The following AR variants were observed in gnomAD, a reference collection of about 807,000 sequenced individuals.
AR encodes dihydrotestosterone receptor.
In AR, 8 loss-of-function variants were observed where a neutral mutation model predicts 53.9. That is an observed-to-expected ratio of 0.15 (90% CI 0.09 to 0.27). The LOEUF (loss-of-function observed/expected upper bound fraction) is 0.27. Ranked by LOEUF, AR falls within the 10% of genes least tolerant of loss-of-function variation. The pLI is 1.00. For missense variants in AR, 639 were observed against 742.5 expected, an observed-to-expected ratio of 0.86 and a Z score of 1.62; for synonymous variants, 359 against 316.4, an observed-to-expected ratio of 1.13 and a Z score of -1.43.
At chrX:67,551,349 A>T (rs959435306) in intron 1 of AR, among the ~76,000 whole-genome samples, 2 of 111,497 alleles carry the variant, frequency 1.8e-5, no homozygotes, top group African/African-American at 3.3e-5. Flanking sequence ...AAACAAAGAA[A>T]GATATTAAAG....
intron 5 of AR, 79 bp downstream of exon 5, chrX:67,717,701 G>A (rs55650419): frequency 1.7e-6 from 2 of 1,156,675 alleles, no homozygotes; most frequent in East Asian, 3.0e-5. Flanking sequence ...GTGATGGGGT[G>A]ACAGTGAAGC....
intron 1 of AR, among the ~76,000 whole-genome samples, chrX:67,569,226 G>A (rs1209851819): frequency 9.3e-6 from 1 of 107,269 alleles, no homozygotes; most frequent in African/African-American, 3.4e-5. Flanking sequence ...GGGGGGTTGG[G>A]GGTTGAGCAA....
chrX:67,583,747 G>A (rs919988269), intron 1 of AR, among the ~76,000 whole-genome samples: 1 of 112,009 alleles, frequency 8.9e-6, no homozygotes, highest in Non-Finnish European at 1.9e-5. Context: ...TCAGAGTGTA[G>A]TCACTGATGA....
At chrX:67,623,489 G>A (rs1226211401) in intron 1 of AR, among the ~76,000 whole-genome samples, 1 of 111,541 alleles carries the variant, frequency 9.0e-6, no homozygotes, top group Admixed American at 9.6e-5. Context: ...ATACAGCCAA[G>A]CTAAAGCAGT....
intron 3 of AR, chrX:67,695,773 G>GCT (rs1388939893): frequency 8.7e-5 from 37 of 423,947 alleles, no homozygotes; most frequent in Admixed American, 5.7e-4. Flanking sequence ...ACACACACAC[G>GCT]CTCTCTCTCT....
chrX:67,578,382 G>A (rs1195842371), intron 1 of AR, among the ~76,000 whole-genome samples: 2 of 111,661 alleles, frequency 1.8e-5, no homozygotes, highest in East Asian at 5.6e-4. Context: ...TGGTCTCTAT[G>A]TACTTGTGTG....
intron 1 of AR, among the ~76,000 whole-genome samples, chrX:67,614,169 A>C (rs750234070): frequency 1.9e-4 from 21 of 111,762 alleles, no homozygotes; most frequent in Admixed American, 6.7e-4. Flanking sequence ...AAGTTAAATA[A>C]ATTTAGGCCA....
At chrX:67,558,663 AACAGGACT>A (rs1248825764) in intron 1 of AR, among the ~76,000 whole-genome samples, 2 of 111,791 alleles carry the variant, frequency 1.8e-5, no homozygotes, top group Admixed American at 9.5e-5. Flanking sequence ...GGGATTGGAA[AACAGGACT>A]ACAGGAATTA....
At chrX:67,722,746 T>A (rs1033818094) in intron 6 of AR, 81 bp from the exon 7 acceptor site, 8 of 1,129,772 alleles carry the variant, frequency 7.1e-6, no homozygotes, top group Non-Finnish European at 8.5e-6. Context: ...GTCAAGTCTG[T>A]GGTCAGAAAA....
chrX:67,563,696 G>C (rs1358529337), intron 1 of AR, among the ~76,000 whole-genome samples: 3 of 111,976 alleles, frequency 2.7e-5, no homozygotes, highest in Non-Finnish European at 5.6e-5. Context: ...GGTAATGCAA[G>C]TTATTAAGTT....
chrX:67,696,731 C>G (rs2076022391), intron 3 of AR, among the ~76,000 whole-genome samples: 1 of 111,286 alleles, frequency 9.0e-6, no homozygotes, highest in African/African-American at 3.3e-5. Context: ...TAATCCCTCA[C>G]TCCATACCTG....
chrX:67,652,859 G>A (rs1355078166), intron 2 of AR, among the ~76,000 whole-genome samples: 2 of 111,962 alleles, frequency 1.8e-5, no homozygotes, highest in East Asian at 5.6e-4. Flanking sequence ...GACATTTCTT[G>A]GTGTGAGGAT....
chrX:67,631,880 C>G (rs1313599067), intron 1 of AR, among the ~76,000 whole-genome samples: 3 of 112,396 alleles, frequency 2.7e-5, no homozygotes, highest in African/African-American at 6.5e-5. Flanking sequence ...AGCTGCAGGT[C>G]TGTTGGAGTA....
In AR at chrX:67,653,098, G is replaced by A. The variant is rs181660613; in HGVS notation, c.1768+9691G>A. Among the ~76,000 whole-genome samples, 157 of 111,957 alleles carry A rather than the reference G, an allele frequency of 1.4e-3. 1 individual carries two copies. Among genetic ancestry groups the A allele is most frequent in the African/African-American group, 5.0e-3 (153 of 30,863 alleles). On this transcript the variant is annotated intron_variant, in intron 2 of 7. Coordinates refer to ENST00000374690, the MANE Select transcript of AR (RefSeq NM_000044.6). ...AACATATATTTATTCCACACTCAGT[G>A]CCTACTGTGTACATGAGACCTATAC... is the stretch of plus-strand genomic sequence containing the variant.
intron 1 of AR, among the ~76,000 whole-genome samples, chrX:67,596,088 G>T (rs759183362): frequency 1.8e-5 from 2 of 110,161 alleles, no homozygotes; most frequent in Non-Finnish European, 3.8e-5. Flanking sequence ...CTCCCCCCTT[G>T]CTCTCTTGTT....
intron 1 of AR, among the ~76,000 whole-genome samples, chrX:67,629,250 G>A (rs918395917): frequency 6.5e-5 from 7 of 107,666 alleles, no homozygotes; most frequent in African/African-American, 2.3e-4. Context: ...GAATTCGGCT[G>A]TGAATCCATC....
At chrX:67,678,246 G>A (rs1167603942) in intron 2 of AR, among the ~76,000 whole-genome samples, 1 of 111,550 alleles carries the variant, frequency 9.0e-6, no homozygotes, top group Non-Finnish European at 1.9e-5. Flanking sequence ...AGTTTCCTAT[G>A]CCAACCCCAG....
intron 1 of AR, 85 bp from the exon 2 acceptor site, chrX:67,643,171 G>A: frequency 9.2e-7 from 1 of 1,091,239 alleles, no homozygotes; most frequent in South Asian, 1.8e-5. Flanking sequence ...TATGCCTGCA[G>A]GTTAATGCTG....
Position 67,633,790 on chromosome X carries a change from T to C in AR, c.1617-9466T>C, listed in dbSNP as rs1925286806. On this transcript the variant is annotated intron_variant, in intron 1 of 7. Coordinates refer to ENST00000374690, the MANE Select transcript of AR (RefSeq NM_000044.6). ...TGGATGAACCTTGAAAACATTATGC[T>C]AGGTGAAAAAAGCAACTCACAAAAG... is the stretch of plus-strand genomic sequence containing the variant. Among the ~76,000 whole-genome samples the C allele has an allele frequency of 2.7e-5, 3 of 111,853 alleles. No homozygotes were observed. In the South Asian group the frequency reaches 1.1e-3, roughly 42 times the overall value.
Sources: gnomAD v4.1 joint callset for allele counts (sites outside exome capture counted in the v4.1 genomes callset) on GRCh38, gnomAD v4.1.1 for gene constraint, MANE v1.5 for transcripts, NCBI Gene and HGNC (gene_info 2026-07-23, HGNC 2026-07-21) for gene names.